Variants in RSU1 observed in about 807,000 individuals in gnomAD.
RSU1 encodes rsu-1.
A neutral mutation model predicts 31.1 loss-of-function variants in RSU1; 26 were observed. The ratio of observed to expected loss-of-function variants is 0.84; its 90% confidence interval spans 0.61 to 1.16. The LOEUF is 1.16. RSU1 is among the 50% of genes most tolerant of loss of function. The probability of loss-of-function intolerance (pLI) is 0.00; values close to 1 mark genes in which losing one functional copy is unlikely to be tolerated. For synonymous variants in RSU1, 164 were observed against 136.3 expected (o/e 1.20, Z -1.41); for missense variants, 320 against 339.1 (o/e 0.94, Z 0.44).
intron 8 of RSU1, among the ~76,000 whole-genome samples, chr10:16,610,039 A>G (rs1833867616): frequency 6.6e-6 from 1 of 152,250 alleles, no homozygotes; most frequent in Admixed American, 6.5e-5. Context: ...TATTTAACCC[A>G]ATATAGCCAA....
chr10:16,798,191 G>A (rs958642544), intron 2 of RSU1, among the ~76,000 whole-genome samples: 5 of 151,806 alleles, frequency 3.3e-5, no homozygotes, highest in Non-Finnish European at 7.4e-5. Context: ...CAGGGATCTG[G>A]GCAAAAGTGA....
At chr10:16,745,961 T>C (rs1836844795) in intron 7 of RSU1, among the ~76,000 whole-genome samples, 1 of 152,188 alleles carries the variant, frequency 6.6e-6, no homozygotes. Flanking sequence ...ACCAAACAAA[T>C]ACTGGATTTT....
At chr10:16,682,767 C>G (rs1021112703) in intron 8 of RSU1, among the ~76,000 whole-genome samples, 1 of 152,088 alleles carries the variant, frequency 6.6e-6, no homozygotes. Flanking sequence ...ATCGGGACCC[C>G]TTTCCTGTAA....
At chr10:16,646,468 GC>G (rs2131509396) in intron 8 of RSU1, among the ~76,000 whole-genome samples, 1 of 152,142 alleles carries the variant, frequency 6.6e-6, no homozygotes, top group Admixed American at 6.5e-5. Context: ...TGACTCTTTT[GC>G]CCCGATCAAG....
At chr10:16,802,263 T>C (rs1838172710) in intron 2 of RSU1, among the ~76,000 whole-genome samples, 3 of 150,336 alleles carry the variant, frequency 2.0e-5, no homozygotes. Flanking sequence ...ATTTCATGGA[T>C]GTTAAAGGGA....
intron 8 of RSU1, 117 bp from the exon 9 acceptor site, chr10:16,593,613 A>G: frequency 1.3e-6 from 1 of 793,660 alleles, no homozygotes; most frequent in Non-Finnish European, 2.1e-6. Flanking sequence ...GCCAAAGAAA[A>G]CCAAAAGATC....
chr10:16,645,033 G>C (rs1330379791), intron 8 of RSU1, among the ~76,000 whole-genome samples: 1 of 152,094 alleles, frequency 6.6e-6, no homozygotes, highest in Non-Finnish European at 1.5e-5. Context: ...ATCTTAAAGG[G>C]GGGAAAAAGC....
intron 7 of RSU1, among the ~76,000 whole-genome samples, chr10:16,695,881 T>C (rs1394829919): frequency 4.6e-5 from 7 of 152,188 alleles, no homozygotes; most frequent in Non-Finnish European, 1.0e-4. Flanking sequence ...CTACAGTGTC[T>C]GGTGAGGCCA....
chr10:16,663,494 A>C (rs1206261759), intron 8 of RSU1, among the ~76,000 whole-genome samples: 1 of 152,198 alleles, frequency 6.6e-6, no homozygotes, highest in African/African-American at 2.4e-5. Context: ...TGGGTTAAAA[A>C]TATTCTTCAA....
chr10:16,646,364 C>T (rs1047889175), intron 8 of RSU1, among the ~76,000 whole-genome samples: 1 of 152,154 alleles, frequency 6.6e-6, no homozygotes, highest in Admixed American at 6.5e-5. Context: ...ACTATCCGTA[C>T]AGTCAGGAGC....
chr10:16,725,163 T>C (rs1166430238), intron 7 of RSU1, among the ~76,000 whole-genome samples: 34 of 152,170 alleles, frequency 2.2e-4, no homozygotes, highest in Admixed American at 2.2e-3. Flanking sequence ...TTTGTGTACA[T>C]GTACGATGCT....
chr10:16,718,097 T>TAA (rs11411668), intron 7 of RSU1, among the ~76,000 whole-genome samples: 57,592 of 135,788 alleles, frequency 0.42, 12,294 homozygotes, highest in Middle Eastern at 0.48. Context: ...TCAATTTATT[T>TAA]AAAAAAAAAA....
chr10:16,785,526 A>ACAC (rs1240281059), intron 2 of RSU1, among the ~76,000 whole-genome samples: 1 of 141,812 alleles, frequency 7.1e-6, no homozygotes, highest in African/African-American at 2.9e-5. Flanking sequence ...ATATATATAT[A>ACAC]ATATTAGTTC....
chr10:16,778,030 T>TTTTA (rs1050364051), intron 3 of RSU1, among the ~76,000 whole-genome samples: 3 of 150,268 alleles, frequency 2.0e-5, no homozygotes, highest in African/African-American at 7.4e-5. Flanking sequence ...TTTTTTTTTT[T>TTTTA]TTTTTTTTGA....
chr10:16,711,221 T>C (rs775292392), intron 7 of RSU1, among the ~76,000 whole-genome samples: 3 of 152,204 alleles, frequency 2.0e-5, no homozygotes, highest in Non-Finnish European at 4.4e-5. Flanking sequence ...ATATTCTCTA[T>C]AATTTTCTGT....
chr10:16,785,167 G>A (rs1272544611), intron 2 of RSU1, among the ~76,000 whole-genome samples: 1 of 152,046 alleles, frequency 6.6e-6, no homozygotes, highest in African/African-American at 2.4e-5. Flanking sequence ...CTAATCAGCT[G>A]CCAGCATGGC....
At chr10:16,782,651 G>A (rs1281808831) in intron 2 of RSU1, among the ~76,000 whole-genome samples, 1 of 152,086 alleles carries the variant, frequency 6.6e-6, no homozygotes, top group Non-Finnish European at 1.5e-5. Flanking sequence ...TATTTTGGTT[G>A]ACATTTCAAA....
chr10:16,696,967 G>T (rs1050564521), intron 7 of RSU1, among the ~76,000 whole-genome samples: 1 of 151,778 alleles, frequency 6.6e-6, no homozygotes, highest in African/African-American at 2.4e-5. Context: ...AATTTATCTT[G>T]TCTTCCATAT....
chr10:16,712,927 C>A (rs1229733199), intron 7 of RSU1, among the ~76,000 whole-genome samples: 4 of 152,140 alleles, frequency 2.6e-5, no homozygotes, highest in Non-Finnish European at 5.9e-5. Flanking sequence ...CTGAAAAGGT[C>A]TTATTTCTCC....
Sources: gnomAD v4.1 joint callset for allele counts (sites outside exome capture counted in the v4.1 genomes callset) on GRCh38, gnomAD v4.1.1 for gene constraint, MANE v1.5 for transcripts, NCBI Gene and HGNC (gene_info 2026-07-23, HGNC 2026-07-21) for gene names.